Variants in C1QTNF3 observed in about 807,000 individuals in gnomAD.
C1QTNF3 encodes the protein complement C1q tumor necrosis factor-related protein 3.
In C1QTNF3, 26 loss-of-function variants were observed where a neutral mutation model predicts 32.6. The observed-to-expected ratio is 0.80, with a 90% confidence interval of 0.58 to 1.11. The LOEUF (loss-of-function observed/expected upper bound fraction) is 1.11, where lower values mean the gene tolerates loss of function less well. Among genes scored for constraint, C1QTNF3 ranks in the 50% least tolerant of loss-of-function variants. The pLI, the probability that C1QTNF3 is intolerant of heterozygous loss-of-function variation, is 0.00. For synonymous variants in C1QTNF3, 155 were observed against 146.0 expected (o/e 1.06, Z -0.44); for missense variants, 362 against 398.2 (o/e 0.91, Z 0.77).
intron 4 of C1QTNF3, among the ~76,000 whole-genome samples, chr5:34,026,493 GA>G (rs11335592): frequency 0.43 from 62,510 of 145,488 alleles, 14,556 homozygotes; most frequent in South Asian, 0.68. Context: ...AGAAAAGAAA[GA>G]AAAAAAAAGT....
the C1QTNF3 span, among the ~76,000 whole-genome samples, chr5:34,146,695 C>A: frequency 2.0e-5 from 3 of 152,118 alleles, no homozygotes; most frequent in African/African-American, 7.2e-5. Flanking sequence ...TAAAATAAGT[C>A]CTCAAACTAA....
At chr5:34,079,381 T>G in the C1QTNF3 span, among the ~76,000 whole-genome samples, 1 of 151,578 alleles carries the variant, frequency 6.6e-6, no homozygotes, top group South Asian at 2.1e-4. Flanking sequence ...TATTTGCAAT[T>G]TTTTGAGAAA....
At chr5:34,085,780 C>T in the C1QTNF3 span, among the ~76,000 whole-genome samples, 1 of 151,708 alleles carries the variant, frequency 6.6e-6, no homozygotes, top group Non-Finnish European at 1.5e-5. Flanking sequence ...CTTAAAAATT[C>T]AGGAAACAAC....
At chr5:34,094,612 G>A in the C1QTNF3 span, among the ~76,000 whole-genome samples, 19 of 151,442 alleles carry the variant, frequency 1.3e-4, no homozygotes, top group South Asian at 2.1e-4. Flanking sequence ...TACATAGACC[G>A]TGTATTAATA....
chr5:34,127,180 G>C, the C1QTNF3 span, among the ~76,000 whole-genome samples: 1 of 151,958 alleles, frequency 6.6e-6, no homozygotes, highest in Non-Finnish European at 1.5e-5. Flanking sequence ...CTGGTACCGG[G>C]AAAGTGTGGC....
chr5:34,189,342 C>T, the C1QTNF3 span: 1 of 506,502 alleles, frequency 2.0e-6, no homozygotes, highest in East Asian at 1.3e-4. Context: ...GATCCACGGG[C>T]AGATCTGCAG....
chr5:34,065,357 G>C, the C1QTNF3 span, among the ~76,000 whole-genome samples: 4 of 152,098 alleles, frequency 2.6e-5, no homozygotes, highest in Admixed American at 2.0e-4. Context: ...ACACCAGTCA[G>C]AATGGCTATT....
chr5:34,212,449 C>A, the C1QTNF3 span, among the ~76,000 whole-genome samples: 2 of 151,894 alleles, frequency 1.3e-5, no homozygotes, highest in Non-Finnish European at 2.9e-5. Flanking sequence ...AAAGAAACTA[C>A]CATCACAGTG....
At chr5:34,064,699 C>CA in the C1QTNF3 span, among the ~76,000 whole-genome samples, 2 of 152,152 alleles carry the variant, frequency 1.3e-5, no homozygotes, top group African/African-American at 2.4e-5. Context: ...GGATGGCAAG[C>CA]AAAAGCTCAG....
the C1QTNF3 span, chr5:34,167,387 TTCTC>T: frequency 3.3e-5 from 5 of 152,218 alleles, no homozygotes; most frequent in African/African-American, 1.2e-4. Flanking sequence ...GCTGCTCTCT[TTCTC>T]TATCTTACAT....
At chr5:34,208,535 T>C in the C1QTNF3 span, among the ~76,000 whole-genome samples, 16 of 151,876 alleles carry the variant, frequency 1.1e-4, no homozygotes, top group African/African-American at 3.9e-4. Context: ...CATTGACAAA[T>C]GTCCACCGGA....
chr5:34,211,902 A>G, the C1QTNF3 span, among the ~76,000 whole-genome samples: 1 of 152,118 alleles, frequency 6.6e-6, no homozygotes, highest in Non-Finnish European at 1.5e-5. Flanking sequence ...GGAAATAACT[A>G]CTTTAAAGTT....
chr5:34,033,361 C>G lies in C1QTNF3; in HGVS notation c.513G>C (p.Arg171=). Residue 171 remains arginine, a synonymous_variant, in exon 3 of 6, where the codon CGG becomes CGC. Coordinates refer to ENST00000382065, the MANE Select transcript of C1QTNF3 (RefSeq NM_181435.6). ...DKGDLGPRGE[R]GQHGPKGEKG... is the part of the protein sequence containing the mutation. ...TCTCTCCTTTGGGGCCATGCTGCCC[C>G]CGCTCCCCTCGAGGCCCCAGGTCAC... is the stretch of plus-strand genomic sequence containing the variant. The G allele has an allele frequency of 6.2e-7, 1 of 1,613,896 alleles. No homozygotes were observed. Among genetic ancestry groups the G allele is most frequent in the African/African-American group, 1.3e-5 (1 of 75,000 alleles).
At chr5:34,208,739 T>C in the C1QTNF3 span, among the ~76,000 whole-genome samples, 1 of 152,204 alleles carries the variant, frequency 6.6e-6, no homozygotes, top group Non-Finnish European at 1.5e-5. Flanking sequence ...CTCTATATGA[T>C]GATATTTAGA....
intron 5 of C1QTNF3, among the ~76,000 whole-genome samples, chr5:34,023,155 C>T (rs1001457711): frequency 6.6e-6 from 1 of 152,226 alleles, no homozygotes. Context: ...GCGCCTGGCT[C>T]AAAGTCAGTT....
the C1QTNF3 span, among the ~76,000 whole-genome samples, chr5:34,133,294 T>C: frequency 1.3e-5 from 2 of 152,162 alleles, no homozygotes; most frequent in Non-Finnish European, 2.9e-5. Context: ...CTGAACTTTA[T>C]AGGTCATGAT....
chr5:34,035,785 G>C, intron 1 of C1QTNF3, 27 bp from the exon 2 acceptor site: 1 of 1,557,312 alleles, frequency 6.4e-7, no homozygotes, highest in Non-Finnish European at 8.8e-7. Context: ...AGAAGCTTCA[G>C]AAAAAAAGGT....
chr5:34,126,502 G>A, the C1QTNF3 span, among the ~76,000 whole-genome samples: 113 of 149,592 alleles, frequency 7.6e-4, 3 homozygotes, highest in Admixed American at 7.7e-3. Flanking sequence ...GTGTGAAACT[G>A]TAAAATAGTA....
chr5:34,140,156 A>T, the C1QTNF3 span, among the ~76,000 whole-genome samples: 1 of 152,092 alleles, frequency 6.6e-6, no homozygotes, highest in Non-Finnish European at 1.5e-5. Context: ...CTTTTGGGAG[A>T]ACCAGAGCTA....
Sources: allele counts gnomAD v4.1 joint callset (sites outside exome capture counted in the v4.1 genomes callset), GRCh38; gene constraint gnomAD v4.1.1; transcripts MANE v1.5; gene names NCBI Gene and HGNC (gene_info 2026-07-23, HGNC 2026-07-21).